The following EVI5 variants were observed in gnomAD, a reference collection of about 807,000 sequenced individuals.
The protein encoded by EVI5 is ecotropic viral integration site 5, also known as ecotropic viral integration site 5 protein homolog.
A neutral mutation model predicts 112.0 loss-of-function variants in EVI5; 73 were observed. The ratio of observed to expected loss-of-function variants is 0.65; its 90% CI spans 0.54 to 0.79. The LOEUF (loss-of-function observed/expected upper bound fraction) is 0.79. EVI5 is among the 30% of genes least tolerant of loss of function. The pLI is 0.00. For synonymous variants in EVI5, 305 were observed against 319.9 expected (o/e 0.95, Z 0.50); for missense variants, 900 against 968.8 (o/e 0.93, Z 0.94).
At chr1:92,730,273 A>G (rs1676234368) in intron 2 of EVI5, among the ~76,000 whole-genome samples, 1 of 152,066 alleles carries the variant, frequency 6.6e-6, no homozygotes. Flanking sequence ...TTGGAGAATC[A>G]CTTGAGCCCA....
At chr1:92,559,057 T>C (rs1668114600) in intron 19 of EVI5, among the ~76,000 whole-genome samples, 1 of 152,154 alleles carries the variant, frequency 6.6e-6, no homozygotes, top group Non-Finnish European at 1.5e-5. Context: ...TTATATCAAA[T>C]GGCATATTTG....
At chr1:92,653,310 GAGA>G (rs760035964) in intron 13 of EVI5, among the ~76,000 whole-genome samples, 1 of 152,182 alleles carries the variant, frequency 6.6e-6, no homozygotes, top group Non-Finnish European at 1.5e-5. Context: ...CTGCCCCGAA[GAGA>G]AGAACAAGTA....
chr1:92,783,834 A>G (rs1246005196), intron 1 of EVI5, among the ~76,000 whole-genome samples: 2 of 151,358 alleles, frequency 1.3e-5, no homozygotes, highest in Non-Finnish European at 2.9e-5. Flanking sequence ...AAAGAAAAGA[A>G]AAGAAAAAGA....
chr1:92,750,564 G>T (rs1258326949), intron 1 of EVI5, among the ~76,000 whole-genome samples: 1 of 152,052 alleles, frequency 6.6e-6, no homozygotes, highest in South Asian at 2.1e-4. Context: ...ATGCACATAT[G>T]AACAAAATTT....
At chr1:92,685,191 T>A (rs961347598) in intron 9 of EVI5, among the ~76,000 whole-genome samples, 14 of 151,976 alleles carry the variant, frequency 9.2e-5, no homozygotes, top group African/African-American at 3.1e-4. Flanking sequence ...AGAACAGAAA[T>A]CACAACAAAC....
At position 92,616,053 on chromosome 1, in the gene EVI5, G is replaced by A. The variant is rs1199315240; in HGVS notation, c.1827+8123C>T. On this transcript the variant is annotated intron_variant, in intron 16 of 19. Transcript: ENST00000684568. ...AAGGTTCTAATAGTTTATTTGCTTG[G>A]TTAGTTGAAAGACGGACTAGAAGAT... 1.3e-5 allele frequency among the ~76,000 whole-genome samples: 2 copies of A among 152,124 alleles called. 1 individual carries two copies. Among genetic ancestry groups the A allele is most frequent in the Non-Finnish European group, 2.9e-5 (2 of 68,032 alleles).
At chr1:92,764,107 T>C (rs1682273712) in intron 1 of EVI5, among the ~76,000 whole-genome samples, 1 of 152,226 alleles carries the variant, frequency 6.6e-6, no homozygotes, top group Non-Finnish European at 1.5e-5. Context: ...GTTTGTGTTT[T>C]AGCTGCAAAT....
chr1:92,590,712 T>A (rs1673686628), intron 18 of EVI5, among the ~76,000 whole-genome samples: 1 of 152,128 alleles, frequency 6.6e-6, no homozygotes, highest in Non-Finnish European at 1.5e-5. Context: ...CAGGAGAACT[T>A]TCCCAATCTA....
chr1:92,731,560 T>TA (rs1676475451), intron 2 of EVI5, among the ~76,000 whole-genome samples: 1 of 152,118 alleles, frequency 6.6e-6, no homozygotes, highest in East Asian at 1.9e-4. Context: ...AACTTGATTG[T>TA]AAAATTCATT....
At chr1:92,725,910 A>G (rs756897969) in intron 2 of EVI5, among the ~76,000 whole-genome samples, 60 of 152,286 alleles carry the variant, frequency 3.9e-4, no homozygotes, top group Non-Finnish European at 7.1e-4. Flanking sequence ...ATTAAAAAAC[A>G]CTCAGCTCTA....
intron 1 of EVI5, among the ~76,000 whole-genome samples, chr1:92,738,683 A>G (rs1422559311): frequency 6.6e-6 from 1 of 152,240 alleles, no homozygotes; most frequent in South Asian, 2.1e-4. Context: ...CTGAACTTCA[A>G]GTTTTAAGTT....
chr1:92,580,288 G>C (rs182493731), intron 18 of EVI5, among the ~76,000 whole-genome samples: 2 of 152,086 alleles, frequency 1.3e-5, no homozygotes, highest in Non-Finnish European at 2.9e-5. Context: ...GTAATCTTTT[G>C]CAATTGTCTG....
At position 92,759,073 on chromosome 1, in the gene EVI5, A is replaced by C. The variant is rs1033676967; in HGVS notation, c.-81-22446T>G. ...GTGAAACCCCATCTCTACCGAAAAT[A>C]CAAAAACTTAGCCGGGTGTGGTGGC... On this transcript the variant is annotated intron_variant, in intron 1 of 19. Coordinates refer to ENST00000684568, the MANE Select transcript of EVI5 (RefSeq NM_001350197.2). Among the ~76,000 whole-genome samples, 3 of 152,268 alleles carry C rather than the reference A, an allele frequency of 2.0e-5. No individual in the cohort carries two copies. The East Asian group carries it at 5.8e-4, about 29-fold the overall frequency.
rs186331475 is a variant in EVI5, at chr1:92,738,275, C to T, written c.-81-1648G>A. On this transcript the variant is annotated intron_variant, in intron 1 of 19. Transcript: ENST00000684568. Reference sequence around the variant, plus strand: ...GATCTTAGGATAACAACTATAAACTCAATTGTGAAAATGGCACAAATTCGC... The same window carrying T: ...GATCTTAGGATAACAACTATAAACTTAATTGTGAAAATGGCACAAATTCGC... Among the ~76,000 whole-genome samples, 3 of 152,194 alleles carry T rather than the reference C, an allele frequency of 2.0e-5. No homozygotes were observed. The East Asian group carries it at 5.8e-4, about 29-fold the overall frequency.
chr1:92,756,703 T>C, intron 1 of EVI5: 1 of 490,020 alleles, frequency 2.0e-6, no homozygotes, highest in Non-Finnish European at 4.2e-6. Flanking sequence ...ACCTCACCGC[T>C]GTATCGCCAT....
At chr1:92,613,389 C>A (rs558064162) in intron 16 of EVI5, among the ~76,000 whole-genome samples, 24 of 152,120 alleles carry the variant, frequency 1.6e-4, no homozygotes, top group Middle Eastern at 3.4e-3. Context: ...ACCTCTGCCT[C>A]CCAGGTTCAA....
intron 1 of EVI5, chr1:92,756,305 G>T: frequency 2.1e-6 from 1 of 466,174 alleles, no homozygotes; most frequent in Middle Eastern, 4.1e-4. Flanking sequence ...TCTTCACGAT[G>T]GCTGGCCAAC....
chr1:92,788,492 AAAACAAAAC>A (rs1331402455), upstream of EVI5, among the ~76,000 whole-genome samples: 2 of 140,110 alleles, frequency 1.4e-5, no homozygotes, highest in Non-Finnish European at 3.2e-5. Flanking sequence ...AAAACAAAAC[AAAACAAAAC>A]AAAAAAAAAA....
intron 1 of EVI5, among the ~76,000 whole-genome samples, chr1:92,771,327 T>G (rs1337074777): frequency 6.6e-6 from 1 of 151,996 alleles, no homozygotes; most frequent in Non-Finnish European, 1.5e-5. Context: ...CTACACACAC[T>G]CCCAGAGATA....
Sources: allele counts gnomAD v4.1 joint callset (sites outside exome capture counted in the v4.1 genomes callset), GRCh38; gene constraint gnomAD v4.1.1; transcripts MANE v1.5; gene names NCBI Gene and HGNC (gene_info 2026-07-23, HGNC 2026-07-21).